Variants in RGS7 observed in about 807,000 individuals in gnomAD.
The protein encoded by RGS7 is regulator of G-protein signaling 7.
In RGS7, 27 loss-of-function variants were observed where a neutral mutation model predicts 81.1. That is an observed-to-expected ratio of 0.33 (90% confidence interval 0.25 to 0.46). The LOEUF (loss-of-function observed/expected upper bound fraction) is 0.46, where lower values mean the gene tolerates loss of function less well. Among genes scored for constraint, RGS7 ranks in the 20% least tolerant of loss-of-function variants. RGS7 has a pLI of 1.00. For synonymous variants in RGS7, 208 were observed against 207.7 expected (o/e 1.00, Z -0.01); for missense variants, 396 against 607.4 (o/e 0.65, Z 3.66).
At chr1:240,864,402 A>G (rs948618625) in intron 9 of RGS7, among the ~76,000 whole-genome samples, 1 of 152,194 alleles carries the variant, frequency 6.6e-6, no homozygotes, top group African/African-American at 2.4e-5. Flanking sequence ...GGACTTACAT[A>G]TTTAAATAAC....
At chr1:240,786,152 C>T (rs1340511609) in intron 18 of RGS7, among the ~76,000 whole-genome samples, 1 of 151,830 alleles carries the variant, frequency 6.6e-6, no homozygotes, top group Admixed American at 6.6e-5. Context: ...CATAATAAAA[C>T]CAGTATGTGT....
chr1:241,089,714 G>T (rs35044280), intron 3 of RGS7, among the ~76,000 whole-genome samples: 21 of 151,762 alleles, frequency 1.4e-4, no homozygotes, highest in African/African-American at 3.1e-4. Flanking sequence ...TTTTGTTATC[G>T]TAATTAGTAA....
rs1433690559 is a variant in RGS7, at chr1:241,068,257, T to TATATATATAAAA, written c.175+30408_175+30409insTTTTATATATAT. 8.2e-5 allele frequency among the ~76,000 whole-genome samples: 6 copies of TATATATATAAAA among 73,276 alleles called. 1 individual carries two copies. The highest frequency in any genetic ancestry group is 1.9e-4 in the Admixed American group (1 of 5,268). 48.1% of individuals were successfully genotyped at this position (73,276 alleles called of 152,430 possible). ...GTGTGTGTATATATATATATATATA[T>TATATATATAAAA]AAAATATTGTGTATATATAATATTA... is the stretch of plus-strand genomic sequence containing the variant. On this transcript the variant is annotated intron_variant, in intron 3 of 18. Transcript: ENST00000440928.
intron 2 of RGS7, among the ~76,000 whole-genome samples, chr1:241,346,049 T>A (rs949005096): frequency 6.6e-6 from 1 of 152,030 alleles, no homozygotes; most frequent in Non-Finnish European, 1.5e-5. Context: ...AATGTTTCTA[T>A]TTTTCAACTT....
chr1:240,799,794 T>G (rs1170266065), intron 18 of RGS7, among the ~76,000 whole-genome samples: 2 of 152,108 alleles, frequency 1.3e-5, no homozygotes, highest in Non-Finnish European at 2.9e-5. Context: ...TAGCACATGG[T>G]TTAGAATAGA....
At chr1:241,261,522 G>A (rs765009904) in intron 2 of RGS7, among the ~76,000 whole-genome samples, 1 of 151,806 alleles carries the variant, frequency 6.6e-6, no homozygotes, top group Non-Finnish European at 1.5e-5. Context: ...TCAGCTACTC[G>A]GGAGGCTGAG....
At chr1:241,284,308 G>A (rs2078678437) in intron 2 of RGS7, among the ~76,000 whole-genome samples, 1 of 152,104 alleles carries the variant, frequency 6.6e-6, no homozygotes, top group African/African-American at 2.4e-5. Flanking sequence ...GGGAAGAGAA[G>A]AGGAACCACC....
chr1:240,786,376 C>G (rs954139071), intron 18 of RGS7, among the ~76,000 whole-genome samples: 1 of 152,040 alleles, frequency 6.6e-6, no homozygotes, highest in Non-Finnish European at 1.5e-5. Context: ...TTCAATTACC[C>G]ATGTTATGGA....
At chr1:241,130,044 G>A (rs1225588372) in intron 2 of RGS7, among the ~76,000 whole-genome samples, 1 of 152,130 alleles carries the variant, frequency 6.6e-6, no homozygotes. Flanking sequence ...GCCATTACTA[G>A]GGCAAGGATA....
At chr1:240,847,780 A>C (rs1319245094) in intron 9 of RGS7, among the ~76,000 whole-genome samples, 1 of 152,194 alleles carries the variant, frequency 6.6e-6, no homozygotes, top group Non-Finnish European at 1.5e-5. Flanking sequence ...AGCCTAGTAC[A>C]CGCCAATTTC....
At chr1:240,787,291 CATT>C (rs901190511) in intron 18 of RGS7, among the ~76,000 whole-genome samples, 3 of 152,120 alleles carry the variant, frequency 2.0e-5, no homozygotes, top group Non-Finnish European at 4.4e-5. Flanking sequence ...GCTCTTACGA[CATT>C]ATATGTTTGC....
At chr1:240,889,313 T>C (rs1424313236) in intron 6 of RGS7, among the ~76,000 whole-genome samples, 3 of 152,028 alleles carry the variant, frequency 2.0e-5, no homozygotes, top group Non-Finnish European at 2.9e-5. Context: ...TCCAGGAATA[T>C]CTAGAGGCAG....
At chr1:241,323,321 T>C (rs2081311935) in intron 2 of RGS7, among the ~76,000 whole-genome samples, 2 of 152,268 alleles carry the variant, frequency 1.3e-5, no homozygotes. Context: ...AATTGTGATG[T>C]ATGTTTGCAA....
intron 2 of RGS7, among the ~76,000 whole-genome samples, chr1:241,206,939 TCTTC>T (rs2073925152): frequency 6.6e-6 from 1 of 150,764 alleles, no homozygotes; most frequent in South Asian, 2.1e-4. Flanking sequence ...TCTCTCCTTT[TCTTC>T]CTTCTTTCTC....
intron 18 of RGS7, among the ~76,000 whole-genome samples, chr1:240,799,753 A>C (rs1303948466): frequency 1.3e-5 from 2 of 152,208 alleles, no homozygotes; most frequent in African/African-American, 4.8e-5. Context: ...ACATGGCTGC[A>C]AGTCTATACT....
intron 2 of RGS7, among the ~76,000 whole-genome samples, chr1:241,128,262 G>C (rs1236966952): frequency 1.5e-5 from 2 of 131,596 alleles, no homozygotes; most frequent in Non-Finnish European, 3.2e-5. Context: ...GGGCCACAGA[G>C]CAAGACTCCG....
rs1666472070 is a variant in RGS7, at chr1:240,881,941, G to A, written c.386-11822C>T. On this transcript the variant is annotated intron_variant, in intron 6 of 18. Coordinates refer to ENST00000440928, the MANE Select transcript of RGS7 (RefSeq NM_001364886.1). ...AATCTTTTTTTTTTTTTGAGAGAGA[G>A]TCTTGCTCTGTCACCCAGGCTGGAG... 2.7e-5 allele frequency among the ~76,000 whole-genome samples: 4 copies of A among 150,244 alleles called. No individual in the cohort carries two copies. In the South Asian group the frequency reaches 8.4e-4, roughly 32 times the overall value.
chr1:240,832,085 G>A (rs1693955561), intron 9 of RGS7, among the ~76,000 whole-genome samples: 1 of 152,060 alleles, frequency 6.6e-6, no homozygotes, highest in East Asian at 1.9e-4. Context: ...TCATCTTTTT[G>A]ATGCATATAT....
intron 3 of RGS7, among the ~76,000 whole-genome samples, chr1:240,990,179 C>A (rs551358511): frequency 6.6e-6 from 1 of 152,116 alleles, no homozygotes; most frequent in Admixed American, 6.5e-5. Flanking sequence ...GTCATGCTGG[C>A]GAGAGGTATC....
Sources: allele counts gnomAD v4.1 joint callset (sites outside exome capture counted in the v4.1 genomes callset), GRCh38; gene constraint gnomAD v4.1.1; transcripts MANE v1.5; gene names NCBI Gene and HGNC (gene_info 2026-07-23, HGNC 2026-07-21).